The following PTPRN2 variants were observed in gnomAD, a reference collection of about 807,000 sequenced individuals.
PTPRN2 encodes receptor-type tyrosine-protein phosphatase N2.
A neutral mutation model predicts 118.8 loss-of-function variants in PTPRN2; 74 were observed. That is an observed-to-expected ratio of 0.62 (90% CI 0.52 to 0.76). PTPRN2 has a LOEUF of 0.76. Ranked by LOEUF, PTPRN2 falls within the 30% of genes least tolerant of loss-of-function variation. The probability of loss-of-function intolerance (pLI) is 0.00; values close to 1 mark genes in which losing one functional copy is unlikely to be tolerated. For missense variants in PTPRN2, 1,481 were observed against 1,394.4 expected (o/e 1.06, Z -0.99); for synonymous variants, 641 against 608.0 (o/e 1.05, Z -0.80).
At chr7:157,923,249 T>C (rs1436104396) in intron 11 of PTPRN2, among the ~76,000 whole-genome samples, 3 of 152,246 alleles carry the variant, frequency 2.0e-5, no homozygotes. Context: ...GCTTTTCCTA[T>C]GAGCCAGTCA....
chr7:158,273,888 AGGAGGAGCCGCAGACAGACGCG>A (rs1296815527), intron 3 of PTPRN2, among the ~76,000 whole-genome samples: 2 of 135,714 alleles, frequency 1.5e-5, no homozygotes, highest in South Asian at 2.4e-4. Context: ...CCGCAGACGC[AGGAGGAGCCGCAGACAGACGCG>A]GGAGGAGCCG....
At position 157,785,106 on chromosome 7, in the gene PTPRN2, C is replaced by T. The variant is rs994334718; in HGVS notation, c.1789-102169G>A. On this transcript the variant is annotated intron_variant, in intron 12 of 22. Transcript: ENST00000389418. This position sits in a 1 kb window ranked among gnomAD's most constrained non-coding sequence, Gnocchi z 7.3. The stretch of plus-strand genomic sequence containing the variant: ...TTGAACAAAGCTGTGTGTGTGTTTC[C>T]AGAATGTTGGCACAGCGGCGAGAAG... Among the ~76,000 whole-genome samples the T allele has an allele frequency of 8.5e-5, 13 of 152,202 alleles. No individual in the cohort carries two copies. The highest frequency in any genetic ancestry group is 3.1e-4 in the African/African-American group (13 of 41,534).
intron 21 of PTPRN2, 62 bp downstream of exon 21, chr7:157,568,837 TACG>T: frequency 6.7e-7 from 1 of 1,490,486 alleles, no homozygotes; most frequent in Non-Finnish European, 9.4e-7. Flanking sequence ...CACGGCACCC[TACG>T]TTGCCATAGC....
At chr7:157,949,320 G>T (rs940108995) in intron 11 of PTPRN2, among the ~76,000 whole-genome samples, 1 of 152,236 alleles carries the variant, frequency 6.6e-6, no homozygotes, top group East Asian at 1.9e-4. Flanking sequence ...TCATTTTTAA[G>T]TGGTTAATTT....
chr7:158,263,047 C>A (rs1414323806), intron 3 of PTPRN2, among the ~76,000 whole-genome samples: 1 of 150,046 alleles, frequency 6.7e-6, no homozygotes, highest in Admixed American at 6.6e-5. Flanking sequence ...ACAAAATGCA[C>A]ATATACATTC....
intron 3 of PTPRN2, among the ~76,000 whole-genome samples, chr7:158,314,211 C>T (rs1193538524): frequency 2.6e-5 from 4 of 152,182 alleles, no homozygotes; most frequent in Non-Finnish European, 2.9e-5. Flanking sequence ...GAAAGAGTCA[C>T]GCCCATTCTC....
At chr7:157,691,646 C>T in intron 12 of PTPRN2, among the ~76,000 whole-genome samples, 1 of 152,230 alleles carries the variant, frequency 6.6e-6, no homozygotes, top group Non-Finnish European at 1.5e-5. Flanking sequence ...CGGTGAAAAC[C>T]CAGGCGTGCG....
intron 11 of PTPRN2, among the ~76,000 whole-genome samples, chr7:157,996,614 G>T (rs983491413): frequency 6.6e-6 from 1 of 152,080 alleles, no homozygotes; most frequent in Non-Finnish European, 1.5e-5. Flanking sequence ...GGTGGTGTGG[G>T]TTTGCTCTGG....
chr7:158,383,536 C>T (rs560659534), intron 2 of PTPRN2, among the ~76,000 whole-genome samples: 30 of 152,110 alleles, frequency 2.0e-4, no homozygotes, highest in Non-Finnish European at 4.4e-4. Context: ...TACATGGAAC[C>T]AAAGACTTTA....
intron 2 of PTPRN2, among the ~76,000 whole-genome samples, chr7:158,458,007 C>T (rs1016414148): frequency 5.9e-5 from 9 of 152,148 alleles, no homozygotes; most frequent in Non-Finnish European, 1.2e-4. Context: ...AGTGAGAAGA[C>T]GTGGTTGAAA....
chr7:158,275,097 GT>G (rs1798872229), intron 3 of PTPRN2, among the ~76,000 whole-genome samples: 1 of 152,176 alleles, frequency 6.6e-6, no homozygotes, highest in Admixed American at 6.5e-5. Flanking sequence ...GAACAATGAA[GT>G]CCCCAGGGGC....
intron 1 of PTPRN2, among the ~76,000 whole-genome samples, chr7:158,557,587 C>T (rs1827128176): frequency 6.6e-6 from 1 of 152,240 alleles, no homozygotes; most frequent in Admixed American, 6.5e-5. Flanking sequence ...GTTTCCTCAC[C>T]TCTCTCTCTG....
At chr7:158,587,258 CCCCT>C (rs1183401080) in intron 1 of PTPRN2, among the ~76,000 whole-genome samples, 8 of 123,428 alleles carry the variant, frequency 6.5e-5, no homozygotes, top group Non-Finnish European at 1.4e-4. Context: ...CCCCCACGCC[CCCCT>C]CTCATTCATT....
intron 1 of PTPRN2, among the ~76,000 whole-genome samples, chr7:158,575,930 T>A (rs965959143): frequency 2.6e-5 from 4 of 152,198 alleles, no homozygotes; most frequent in Admixed American, 2.6e-4. Context: ...AAGAATCTAA[T>A]CTTTATTTTT....
At chr7:158,282,374 G>A (rs756110643) in intron 3 of PTPRN2, among the ~76,000 whole-genome samples, 1 of 152,234 alleles carries the variant, frequency 6.6e-6, no homozygotes, top group Non-Finnish European at 1.5e-5. Context: ...TACACAATGT[G>A]GGAACTTGCC....
At chr7:158,253,797 A>T (rs1049325003) in intron 3 of PTPRN2, among the ~76,000 whole-genome samples, 1 of 152,254 alleles carries the variant, frequency 6.6e-6, no homozygotes, top group East Asian at 1.9e-4. Context: ...GCAGGCTCGC[A>T]GAAGTCGAGC....
chr7:157,918,136 G>A (rs1221594563), intron 11 of PTPRN2, among the ~76,000 whole-genome samples: 4 of 152,122 alleles, frequency 2.6e-5, no homozygotes, highest in South Asian at 2.1e-4. Flanking sequence ...ACATTAGCAC[G>A]GATGCTGGTA....
chr7:158,289,363 CTT>C (rs1351662273), intron 3 of PTPRN2, among the ~76,000 whole-genome samples: 1 of 152,126 alleles, frequency 6.6e-6, no homozygotes, highest in Non-Finnish European at 1.5e-5. Flanking sequence ...CCCGTTTACT[CTT>C]TTTCTCCTCT....
chr7:157,715,828 G>A (rs922116219), intron 12 of PTPRN2, among the ~76,000 whole-genome samples: 1 of 152,242 alleles, frequency 6.6e-6, no homozygotes, highest in Non-Finnish European at 1.5e-5. Context: ...TGCTGAGGTT[G>A]CAGGGTTGCA....
Sources: allele counts gnomAD v4.1 joint callset (sites outside exome capture counted in the v4.1 genomes callset), GRCh38; gene constraint gnomAD v4.1.1; non-coding constraint Gnocchi (gnomAD v3.1); transcripts MANE v1.5; gene names NCBI Gene and HGNC (gene_info 2026-07-23, HGNC 2026-07-21).